Variants in CBFA2T2 observed in about 807,000 individuals in gnomAD.
CBFA2T2 encodes protein CBFA2T2.
CBFA2T2 carries 11 observed loss-of-function variants against 62.2 expected under a neutral mutation model. The ratio of observed to expected loss-of-function variants is 0.18; its 90% CI spans 0.11 to 0.29. The LOEUF (loss-of-function observed/expected upper bound fraction) is 0.29. Ranked by LOEUF, CBFA2T2 falls within the 10% of genes least tolerant of loss-of-function variation. CBFA2T2 has a pLI of 1.00. For synonymous variants in CBFA2T2, 295 were observed against 287.5 expected (o/e 1.03, Z -0.27); for missense variants, 592 against 774.1 (o/e 0.76, Z 2.79).
chr20:33,513,960 G>A (rs2011554099), intron 1 of CBFA2T2, among the ~76,000 whole-genome samples: 2 of 151,350 alleles, frequency 1.3e-5, no homozygotes, highest in Non-Finnish European at 2.9e-5. Flanking sequence ...GAGTGCAGTG[G>A]TGCGATCTCG....
intron 1 of CBFA2T2, among the ~76,000 whole-genome samples, chr20:33,546,872 T>C (rs1392476595): frequency 6.6e-6 from 1 of 152,050 alleles, no homozygotes; most frequent in East Asian, 1.9e-4. Context: ...TACCTCTCTG[T>C]TTAGTTTCAT....
chr20:33,551,373 C>T lies in CBFA2T2; in HGVS notation c.35-55583C>T, dbSNP rs186540701. Among the ~76,000 whole-genome samples, 40 of 152,128 alleles carry T rather than the reference C, an allele frequency of 2.6e-4. 1 individual carries two copies. The East Asian group carries it at 7.2e-3, about 27-fold the overall frequency. On this transcript the variant is annotated intron_variant, in intron 1 of 10. Coordinates refer to ENST00000342704, the MANE Select transcript of CBFA2T2 (RefSeq NM_001032999.3). ...CTGGAATTACAGGCATGCACCACCA[C>T]GCCCAGCTAATTTTGTATTTTTAGT...
intron 3 of CBFA2T2, chr20:33,618,542 T>TG (rs2015800053): frequency 6.6e-6 from 1 of 152,162 alleles, no homozygotes; most frequent in Non-Finnish European, 1.5e-5. Flanking sequence ...AACTTACCAA[T>TG]GGGGGTTTGC....
At position 33,523,787 on chromosome 20, in the gene CBFA2T2, C is replaced by A. The variant is rs180957163; in HGVS notation, c.34+33486C>A. On this transcript the variant is annotated intron_variant, in intron 1 of 10. Transcript: ENST00000342704. ...GCAACCTCCGCCTCCCTGGTTCAAG[C>A]AATTCTCCTGCCTCAGCCTCCCGAG... 5.1e-3 allele frequency among the ~76,000 whole-genome samples: 773 copies of A among 152,274 alleles called. 5 individuals are homozygous for A. The highest frequency in any genetic ancestry group is 7.3e-3 in the Non-Finnish European group (494 of 68,020).
intron 6 of CBFA2T2, among the ~76,000 whole-genome samples, chr20:33,627,299 A>T (rs2016270660): frequency 6.6e-6 from 1 of 152,080 alleles, no homozygotes. Flanking sequence ...TGGGAGGCTG[A>T]GGCAGGAGTA....
intron 2 of CBFA2T2, among the ~76,000 whole-genome samples, chr20:33,610,719 G>A (rs2015490880): frequency 2.0e-5 from 3 of 152,124 alleles, no homozygotes; most frequent in Admixed American, 2.0e-4. Flanking sequence ...AAATTGGGAA[G>A]GAGATGCAAT....
chr20:33,590,497 A>G (rs1016534094), intron 1 of CBFA2T2, among the ~76,000 whole-genome samples: 1 of 152,104 alleles, frequency 6.6e-6, no homozygotes, highest in Non-Finnish European at 1.5e-5. Context: ...GATTGGGCAC[A>G]ATAAGATTGT....
intron 9 of CBFA2T2, 148 bp downstream of exon 9, chr20:33,636,856 C>G (rs922527454): frequency 3.4e-6 from 2 of 590,382 alleles, no homozygotes; most frequent in East Asian, 3.0e-5. Flanking sequence ...CTCTCCTGCT[C>G]TGGCTTGTCC....
chr20:33,636,062 T>C (rs987460944), intron 8 of CBFA2T2, among the ~76,000 whole-genome samples: 5 of 152,142 alleles, frequency 3.3e-5, no homozygotes, highest in African/African-American at 9.7e-5. Context: ...GAGACCACCC[T>C]GGCCAACATG....
rs2011272835 is a variant in CBFA2T2, at chr20:33,501,171, T to G, written c.34+10870T>G. ...TATAGCTTTGGAGTTGGCTAGACCT[T>G]TCAGTCAAATTAGCTGATGGTGACA... On this transcript the variant is annotated intron_variant, in intron 1 of 10. Coordinates refer to ENST00000342704, the MANE Select transcript of CBFA2T2 (RefSeq NM_001032999.3). 2.6e-5 allele frequency among the ~76,000 whole-genome samples: 4 copies of G among 152,318 alleles called. No homozygotes were observed. The South Asian group carries it at 8.3e-4, about 32-fold the overall frequency.
chr20:33,507,907 T>C (rs2011432119), intron 1 of CBFA2T2, among the ~76,000 whole-genome samples: 1 of 152,076 alleles, frequency 6.6e-6, no homozygotes, highest in African/African-American at 2.4e-5. Context: ...GTATATCAGC[T>C]TTTATACTCC....
intron 1 of CBFA2T2, among the ~76,000 whole-genome samples, chr20:33,597,092 T>A (rs1489301214): frequency 2.0e-5 from 3 of 150,810 alleles, no homozygotes; most frequent in African/African-American, 7.3e-5. Context: ...ACCTGGCTAA[T>A]TTTTTTTTGG....
intron 1 of CBFA2T2, among the ~76,000 whole-genome samples, chr20:33,596,031 G>GA (rs2014870255): frequency 1.3e-5 from 2 of 152,236 alleles, no homozygotes; most frequent in South Asian, 4.1e-4. Context: ...GCCTACCTTT[G>GA]ACTATTCAAG....
intron 1 of CBFA2T2, among the ~76,000 whole-genome samples, chr20:33,516,539 C>A (rs1354409914): frequency 2.6e-5 from 4 of 152,110 alleles, no homozygotes; most frequent in Non-Finnish European, 5.9e-5. Flanking sequence ...TTCGGGAGGC[C>A]GAGGTGGGCA....
At chr20:33,572,801 A>G (rs1018757805) in intron 1 of CBFA2T2, among the ~76,000 whole-genome samples, 5 of 152,234 alleles carry the variant, frequency 3.3e-5, no homozygotes, top group African/African-American at 1.2e-4. Flanking sequence ...GTGATGGGTA[A>G]CCATTGAATA....
Position 33,648,154 on chromosome 20 carries a change from CA to C in CBFA2T2, c.*3509del, listed in dbSNP as rs1326902879. ...GACTGACCTCTACAGTTCATATTTGCAGTGACATAAAAGGCAAAGAGGAGCT... is the reference window on the plus strand; with the variant it reads ...GACTGACCTCTACAGTTCATATTTGCGTGACATAAAAGGCAAAGAGGAGCT... On this transcript the variant is annotated 3_prime_UTR_variant, in exon 11 of 11. Coordinates refer to ENST00000342704, the MANE Select transcript of CBFA2T2 (RefSeq NM_001032999.3). 6.6e-6 allele frequency: 1 copy of C among 152,204 alleles called. No homozygotes were observed. Among genetic ancestry groups the C allele is most frequent in the Non-Finnish European group, 1.5e-5 (1 of 68,058 alleles). 9.4% of individuals were successfully genotyped at this position (152,204 alleles called of 1,614,324 possible).
intron 1 of CBFA2T2, among the ~76,000 whole-genome samples, chr20:33,527,641 G>C (rs2011927555): frequency 6.6e-6 from 1 of 151,870 alleles, no homozygotes; most frequent in African/African-American, 2.4e-5. Context: ...CCAAAATGCT[G>C]GGATTATGGG....
intron 9 of CBFA2T2, among the ~76,000 whole-genome samples, chr20:33,640,136 A>T (rs1431408981): frequency 2.6e-5 from 4 of 152,154 alleles, no homozygotes; most frequent in Non-Finnish European, 4.4e-5. Context: ...ACTTGCGTCC[A>T]CAGCCCTAGC....
At chr20:33,513,963 C>T (rs2011554141) in intron 1 of CBFA2T2, among the ~76,000 whole-genome samples, 1 of 150,296 alleles carries the variant, frequency 6.7e-6, no homozygotes, top group Admixed American at 6.7e-5. Flanking sequence ...TGCAGTGGTG[C>T]GATCTCGGCT....
Sources: allele counts gnomAD v4.1 joint callset (sites outside exome capture counted in the v4.1 genomes callset), GRCh38; gene constraint gnomAD v4.1.1; transcripts MANE v1.5; gene names NCBI Gene and HGNC (gene_info 2026-07-23, HGNC 2026-07-21).